The following NEDD1 variants were observed in gnomAD, a reference collection of about 807,000 sequenced individuals.
NEDD1 encodes the protein NEDD1 gamma-tubulin ring complex targeting factor, also known as protein NEDD1.
In NEDD1, 33 loss-of-function variants were observed where a neutral mutation model predicts 74.0. That is an observed-to-expected ratio of 0.45 (90% CI 0.34 to 0.60). The LOEUF (loss-of-function observed/expected upper bound fraction) is 0.60, where lower values mean the gene tolerates loss of function less well. NEDD1 is among the 20% of genes least tolerant of loss of function. The pLI is 0.01. For missense variants in NEDD1, 746 were observed against 776.5 expected, an observed-to-expected ratio of 0.96 and a Z score of 0.47; for synonymous variants, 250 against 264.4, an observed-to-expected ratio of 0.95 and a Z score of 0.53.
At chr12:96,930,209 ACACTCT>A (rs1446822746) in intron 6 of NEDD1, among the ~76,000 whole-genome samples, 19 of 94,080 alleles carry the variant, frequency 2.0e-4, no homozygotes, top group African/African-American at 8.1e-4. Context: ...ACACACACAC[ACACTCT>A]CTCTCTCTCT....
At position 96,907,729 on chromosome 12, in the gene NEDD1, G is replaced by A. The variant is rs1873475149; in HGVS notation, c.-136G>A. The A allele has an allele frequency of 6.5e-7, 1 of 1,548,634 alleles. No homozygotes were observed. Among genetic ancestry groups the A allele is most frequent in the Non-Finnish European group, 8.7e-7 (1 of 1,145,608 alleles). On this transcript the variant is annotated 5_prime_UTR_variant, in exon 2 of 16. Transcript: ENST00000266742. Reference sequence around the variant, plus strand: ...GAGTGGTGTAGTTGAATTGGTTCCTGTAGCCGCTGTCCCTAAACCCAGGCC... The same window carrying A: ...GAGTGGTGTAGTTGAATTGGTTCCTATAGCCGCTGTCCCTAAACCCAGGCC...
intron 10 of NEDD1, among the ~76,000 whole-genome samples, chr12:96,941,928 C>A (rs1165665026): frequency 6.6e-6 from 1 of 152,012 alleles, no homozygotes; most frequent in Non-Finnish European, 1.5e-5. Context: ...TGATATTTCT[C>A]CTGATATAGT....
intron 6 of NEDD1, among the ~76,000 whole-genome samples, chr12:96,923,325 T>C (rs1244879612): frequency 6.6e-6 from 1 of 150,856 alleles, no homozygotes; most frequent in Non-Finnish European, 1.5e-5. Context: ...GTGAATATTT[T>C]TGTACAAGTC....
intron 9 of NEDD1, among the ~76,000 whole-genome samples, chr12:96,937,719 A>C (rs752168303): frequency 1.2e-4 from 19 of 152,126 alleles, no homozygotes; most frequent in Non-Finnish European, 2.6e-4. Flanking sequence ...GTGTCTTCAG[A>C]TTAACCAGTA....
intron 6 of NEDD1, among the ~76,000 whole-genome samples, chr12:96,932,800 C>T (rs1297312597): frequency 6.6e-6 from 1 of 151,496 alleles, no homozygotes; most frequent in Non-Finnish European, 1.5e-5. Flanking sequence ...GTGATGGCTA[C>T]TGTGTACCTG....
chr12:96,941,604 T>C (rs1454580347), intron 10 of NEDD1, among the ~76,000 whole-genome samples: 1 of 152,048 alleles, frequency 6.6e-6, no homozygotes, highest in Admixed American at 6.6e-5. Flanking sequence ...GTTTCTGGGA[T>C]TAGTGCTGAA....
At chr12:96,923,788 TTGTGTGTGTGTGTGTGTG>T (rs10528785) in intron 6 of NEDD1, among the ~76,000 whole-genome samples, 16 of 142,356 alleles carry the variant, frequency 1.1e-4, no homozygotes, top group African/African-American at 2.3e-4. Context: ...TAATACCTGT[TTGTGTGTGTGTGTGTGTG>T]TGTGTGTGTG....
chr12:96,923,981 C>G (rs946471997), intron 6 of NEDD1, among the ~76,000 whole-genome samples: 2 of 152,040 alleles, frequency 1.3e-5, no homozygotes, highest in Non-Finnish European at 2.9e-5. Context: ...TTTGAAGATA[C>G]TATTCTGTGT....
intron 9 of NEDD1, among the ~76,000 whole-genome samples, chr12:96,940,161 G>T (rs187577561): frequency 2.0e-5 from 3 of 152,012 alleles, no homozygotes; most frequent in Admixed American, 2.0e-4. Flanking sequence ...CAAATAAGCT[G>T]TTTTCTTTTG....
In NEDD1 at chr12:96,951,442, C is replaced by A; in HGVS notation, c.1822C>A (p.His608Asn). 1 of 1,562,380 alleles carries A rather than the reference C, an allele frequency of 6.4e-7. No individual in the cohort carries two copies. Among genetic ancestry groups the A allele is most frequent in the South Asian group, 1.1e-5 (1 of 88,002 alleles). Residue 608 changes from histidine to asparagine, a missense_variant, in exon 15 of 16, where the codon CAT becomes AAT. His to Asn is a moderately conservative substitution (Grantham distance 68). This residue lies in a region of NEDD1 where 706 missense variants were observed against 706.7 expected (regional missense o/e 1.00). Coordinates refer to ENST00000266742, the MANE Select transcript of NEDD1 (RefSeq NM_152905.4). Reference protein sequence around the residue: ...ETLDDFREACHRDIVNLQVEM... With the variant: ...ETLDDFREACNRDIVNLQVEM... ...TTACATTCTTCCTAGAGAAGCATGC[C>A]ATAGGGACATTGTGAATTTGCAAGT...
rs1304431212 is a variant in NEDD1 at position 96,953,770 on chromosome 12, A to AAT, written c.*1720_*1721dup. The AAT allele has an allele frequency of 2.0e-5, 3 of 151,964 alleles. No individual in the cohort carries two copies. Among genetic ancestry groups the AAT allele is most frequent in the African/African-American group, 7.2e-5 (3 of 41,462 alleles). The allele number at this position is 151,964 out of a possible 1,614,324, so 9.4% of individuals were successfully genotyped here. A position where few individuals can be genotyped will look rare whatever the true frequency, so the allele number is the denominator to read the frequency against. ...CTTCCCACCTGAAATTAAAAAAGAA[A>AAT]ATATGTGAAACAGTTGTCAGATATT... is the stretch of plus-strand genomic sequence containing the variant. On this transcript the variant is annotated 3_prime_UTR_variant, in exon 16 of 16. Transcript: ENST00000266742.
At chr12:96,936,985 CTTTT>C (rs964463757) in intron 8 of NEDD1, among the ~76,000 whole-genome samples, 173 bp downstream of exon 8, 4 of 151,178 alleles carry the variant, frequency 2.6e-5, no homozygotes, top group Non-Finnish European at 4.4e-5. Context: ...AGTTTTAAAA[CTTTT>C]TTTCTTTTTT....
chr12:96,909,176 C>CA (rs71307519), intron 2 of NEDD1, among the ~76,000 whole-genome samples: 55,625 of 107,222 alleles, frequency 0.52, 12,293 homozygotes, highest in East Asian at 0.59. Flanking sequence ...AACTCCGTCT[C>CA]AAAAAAAAAA....
intron 2 of NEDD1, among the ~76,000 whole-genome samples, chr12:96,908,847 G>A (rs1873597703): frequency 1.3e-5 from 2 of 152,162 alleles, no homozygotes; most frequent in Admixed American, 1.3e-4. Flanking sequence ...TCAAGACTCT[G>A]GTGTGGGGAG....
chr12:96,928,778 C>A (rs767971691), intron 6 of NEDD1, among the ~76,000 whole-genome samples: 4 of 149,802 alleles, frequency 2.7e-5, no homozygotes, highest in Non-Finnish European at 3.0e-5. Flanking sequence ...GCTCCGCCTC[C>A]TGGGTTCACA....
chr12:96,926,175 C>T (rs912123799), intron 6 of NEDD1, among the ~76,000 whole-genome samples: 7 of 152,088 alleles, frequency 4.6e-5, no homozygotes, highest in East Asian at 1.9e-4. Flanking sequence ...ATTTACTTCT[C>T]TAAAATGGTT....
Position 96,934,994 on chromosome 12 carries a change from T to G in NEDD1, c.508T>G (p.Tyr170Asp). Residue 170 changes from tyrosine (Y) to aspartate (D), a missense_variant, in exon 7 of 16, where the codon TAC becomes GAC. Physicochemically the swap from Tyr to Asp is radical, Grantham distance 160 (BLOSUM62 -3). This residue lies in a region of NEDD1 where 706 missense variants were observed against 706.7 expected (regional missense o/e 1.00). Coordinates refer to ENST00000266742, the MANE Select transcript of NEDD1 (RefSeq NM_152905.4). ...GSNQSVRHLK[Y>D]SLFKKSLLGS... ...TTTATAGTCTGTTCGGCACTTGAAG[T>G]ACTCCTTGTTTAAGAAATCACTACT... The G allele has an allele frequency of 3.1e-6, 5 of 1,602,870 alleles. No homozygotes were observed. Among genetic ancestry groups the G allele is most frequent in the Non-Finnish European group, 4.3e-6 (5 of 1,169,778 alleles).
chr12:96,948,649 G>A (rs76644025), intron 14 of NEDD1, among the ~76,000 whole-genome samples: 12,531 of 152,210 alleles, frequency 0.082, 590 homozygotes, highest in South Asian at 0.12. Context: ...ATCTGTTTCT[G>A]TTGTCTATTA....
intron 6 of NEDD1, among the ~76,000 whole-genome samples, chr12:96,925,429 C>G (rs1248880803): frequency 1.3e-5 from 2 of 152,116 alleles, no homozygotes; most frequent in Non-Finnish European, 1.5e-5. Flanking sequence ...GGTATATGTT[C>G]TCATTTTACA....
Sources: gnomAD v4.1 joint callset for allele counts (sites outside exome capture counted in the v4.1 genomes callset) on GRCh38, gnomAD v4.1.1 for gene constraint, gnomAD v4.1.1 regional missense constraint, MANE v1.5 for transcripts, NCBI Gene and HGNC (gene_info 2026-07-23, HGNC 2026-07-21) for gene names.